Variants in BFAR observed in about 807,000 individuals in gnomAD.
BFAR encodes RING finger protein 47.
In BFAR, 52 loss-of-function variants were observed where a neutral mutation model predicts 54.4. The observed-to-expected ratio is 0.96, with a 90% CI of 0.77 to 1.21. BFAR has a LOEUF of 1.21. Ranked by LOEUF, BFAR falls within the 50% of genes most tolerant of loss-of-function variation. The probability of loss-of-function intolerance (pLI) is 0.00; values close to 1 mark genes in which losing one functional copy is unlikely to be tolerated. For missense variants in BFAR, 571 were observed against 534.0 expected, an observed-to-expected ratio of 1.07 and a Z score of -0.68; for synonymous variants, 215 against 204.3, an observed-to-expected ratio of 1.05 and a Z score of -0.45.
chr16:14,667,734 CTGTT>C lies in BFAR; in HGVS notation c.1266_1269del (p.Leu422PhefsTer35), dbSNP rs756434276. The stretch of plus-strand genomic sequence containing the variant: ...CCCTCATCCCTCAGTTTGTTTGCAA[CTGTT>C]TGTTTTACTGGGCCCTGTACTTTAA... On this transcript the variant is annotated frameshift_variant, in exon 8 of 8. Transcript: ENST00000261658. LOFTEE classifies it high-confidence loss of function. 8 of 1,614,044 alleles carry C rather than the reference CTGTT, an allele frequency of 5.0e-6. No individual in the cohort carries two copies. The East Asian group carries it at 1.8e-4, about 36-fold the overall frequency.
At position 14,649,900 on chromosome 16, in the gene BFAR, C is replaced by T. The variant is rs1369782551; in HGVS notation, c.565C>T (p.Leu189Phe). The change falls in exon 4 of 8, where the codon CTC (leucine) becomes TTC (phenylalanine). Residue 189 changes from leucine to phenylalanine, a missense_variant. Leu to Phe is a conservative substitution (Grantham distance 22). Transcript: ENST00000261658. ...VAKWTAEEVV[L>F]WLEQLGPWAS... ...CAAATGGACGGCGGAAGAAGTTGTC[C>T]TCTGGCTGGAGCAGCTGGGCCCTTG... 1 of 1,613,700 alleles carries T rather than the reference C, an allele frequency of 6.2e-7. No homozygotes were observed. The highest frequency in any genetic ancestry group is 8.5e-7 in the Non-Finnish European group (1 of 1,179,860).
chr16:14,646,085 C>T (rs1312067852), intron 2 of BFAR, among the ~76,000 whole-genome samples: 2 of 152,052 alleles, frequency 1.3e-5, no homozygotes, highest in Non-Finnish European at 2.9e-5. Context: ...GAGTTTCACT[C>T]TTGTTTCCTA....
chr16:14,661,576 T>A (rs1234453442), intron 5 of BFAR, among the ~76,000 whole-genome samples: 1 of 151,900 alleles, frequency 6.6e-6, no homozygotes, highest in Admixed American at 6.6e-5. Flanking sequence ...CTAATTTTTT[T>A]ATTTGTAGTA....
chr16:14,640,930 C>T (rs568698601), intron 1 of BFAR, among the ~76,000 whole-genome samples: 1 of 152,278 alleles, frequency 6.6e-6, no homozygotes, highest in South Asian at 2.1e-4. Flanking sequence ...AGTTGTAGAC[C>T]CAACTTTTTA....
intron 5 of BFAR, among the ~76,000 whole-genome samples, chr16:14,659,442 C>G (rs1960227750): frequency 6.6e-6 from 1 of 151,634 alleles, no homozygotes; most frequent in Admixed American, 6.6e-5. Flanking sequence ...CAGGGTTTCA[C>G]CATGTTGGTC....
chr16:14,646,043 G>T (rs951012040), intron 2 of BFAR, among the ~76,000 whole-genome samples: 1 of 151,554 alleles, frequency 6.6e-6, no homozygotes, highest in Non-Finnish European at 1.5e-5. Context: ...TAATTTTTGG[G>T]TTTTTTTGTT....
chr16:14,658,518 TA>T (rs1960191895), intron 5 of BFAR, among the ~76,000 whole-genome samples: 1 of 152,024 alleles, frequency 6.6e-6, no homozygotes, highest in Non-Finnish European at 1.5e-5. Context: ...TGCTTTTCAT[TA>T]AAAGGAAAAC....
chr16:14,648,514 T>C lies in BFAR; in HGVS notation c.390T>C (p.Ala130=), dbSNP rs775080880. 2 of 1,614,000 alleles carry C rather than the reference T, an allele frequency of 1.2e-6. No individual in the cohort carries two copies. The highest frequency in any genetic ancestry group is 1.7e-6 in the Non-Finnish European group (2 of 1,179,932). ...QKYGNDQIPL[A]PNTGRANQQM... ...ATGGGAATGATCAGATTCCTTTAGC[T>C]CCTAACACAGGCCGAGCGAATCAGC... Residue 130 remains alanine (A), a synonymous_variant, in exon 3 of 8, where the codon GCT becomes GCC. Transcript: ENST00000261658.
At chr16:14,664,194 A>T (rs1960371571) in intron 6 of BFAR, among the ~76,000 whole-genome samples, 1 of 152,240 alleles carries the variant, frequency 6.6e-6, no homozygotes, top group African/African-American at 2.4e-5. Flanking sequence ...CAGGGCTTGT[A>T]TACATAGGGA....
intron 1 of BFAR, among the ~76,000 whole-genome samples, chr16:14,635,284 G>A (rs1001593712): frequency 7.2e-5 from 11 of 152,206 alleles, no homozygotes; most frequent in African/African-American, 2.2e-4. Flanking sequence ...GCAGTGAGCC[G>A]AGATTGTGCC....
Position 14,649,919 on chromosome 16 carries a change from G to C in BFAR, c.584G>C (p.Gly195Ala). 1.2e-6 allele frequency: 2 copies of C among 1,613,622 alleles called. No homozygotes were observed. Among genetic ancestry groups the C allele is most frequent in the Non-Finnish European group, 1.7e-6 (2 of 1,179,744 alleles). The change falls in exon 4 of 8, where the codon GGC (glycine) becomes GCC (alanine). Residue 195 changes from glycine to alanine, a missense_variant. Gly to Ala is a moderately conservative substitution (Grantham distance 60). Coordinates refer to ENST00000261658, the MANE Select transcript of BFAR (RefSeq NM_016561.3). Reference protein sequence around the residue: ...EEVVLWLEQLGPWASLYRERF... With the variant: ...EEVVLWLEQLAPWASLYRERF... ...GTTGTCCTCTGGCTGGAGCAGCTGGGCCCTTGGGCATCTCTTTACAGGGAA... is the reference window on the plus strand; with the variant it reads ...GTTGTCCTCTGGCTGGAGCAGCTGGCCCCTTGGGCATCTCTTTACAGGGAA...
chr16:14,644,916 G>A (rs1659175768), intron 2 of BFAR, among the ~76,000 whole-genome samples: 1 of 152,082 alleles, frequency 6.6e-6, no homozygotes. Flanking sequence ...TCAAGGAACT[G>A]GAAATCCAGA....
At position 14,655,221 on chromosome 16, in the gene BFAR, T is replaced by A; in HGVS notation, c.783+11T>A. ...CTCTGGGAATATAAGGTGAACACTT[T>A]AATTTTTTTTTTTTTTTTTTACTTT... is the stretch of plus-strand genomic sequence containing the variant. On this transcript the variant is annotated intron_variant, in intron 5 of 7. Coordinates refer to ENST00000261658, the MANE Select transcript of BFAR (RefSeq NM_016561.3). The A allele has an allele frequency of 7.2e-7, 1 of 1,385,198 alleles. No individual in the cohort carries two copies. The highest frequency in any genetic ancestry group is 9.4e-7 in the Non-Finnish European group (1 of 1,061,414). 85.8% of individuals were successfully genotyped at this position (1,385,198 alleles called of 1,614,324 possible). A position where few individuals can be genotyped will look rare whatever the true frequency, so the allele number is the denominator to read the frequency against.
At chr16:14,648,174 C>T (rs1437066689) in intron 2 of BFAR, among the ~76,000 whole-genome samples, 2 of 151,948 alleles carry the variant, frequency 1.3e-5, no homozygotes, top group Non-Finnish European at 2.9e-5. Context: ...AGTAAGACTC[C>T]GTCTCAAAAA....
At chr16:14,666,630 A>G (rs1028173629) in intron 7 of BFAR, among the ~76,000 whole-genome samples, 1 of 152,262 alleles carries the variant, frequency 6.6e-6, no homozygotes, top group Non-Finnish European at 1.5e-5. Context: ...CAGAAGTAAC[A>G]CTGCCACCCT....
Position 14,655,186 on chromosome 16 carries a change from C to T in BFAR, c.759C>T (p.Pro253=). ...LERVKALGVK[P]PQNLWEYKAV... ...GTGTCAAAGCATTAGGCGTGAAGCC[C>T]CCCCAGAATCTCTGGGAATATAAGG... Residue 253 remains proline (P), a synonymous_variant, in exon 5 of 8, where the codon CCC becomes CCT. Transcript: ENST00000261658. 6.5e-7 allele frequency: 1 copy of T among 1,542,320 alleles called. No homozygotes were observed. The highest frequency in any genetic ancestry group is 8.7e-7 in the Non-Finnish European group (1 of 1,147,966).
chr16:14,649,794 T>A lies in BFAR; in HGVS notation c.469-10T>A. On this transcript the variant is annotated splice_polypyrimidine_tract_variant and intron_variant, in intron 3 of 7. Coordinates refer to ENST00000261658, the MANE Select transcript of BFAR (RefSeq NM_016561.3). ...CTCCATGGTTTAAAGTCCCTGTCAC[T>A]TTTCCCCAGGTGGTCCTGCTCGTCT... is the stretch of plus-strand genomic sequence containing the variant. 1 of 1,583,534 alleles carries A rather than the reference T, an allele frequency of 6.3e-7. No individual in the cohort carries two copies. Among genetic ancestry groups the A allele is most frequent in the African/African-American group, 1.3e-5 (1 of 74,154 alleles).
chr16:14,661,928 G>T lies in BFAR; in HGVS notation c.820G>T (p.Ala274Ser). 1 of 1,614,046 alleles carries T rather than the reference G, an allele frequency of 6.2e-7. No homozygotes were observed. Among genetic ancestry groups the T allele is most frequent in the Non-Finnish European group, 8.5e-7 (1 of 1,180,020 alleles). ...NPGRSLFLLY[A>S]LKSSPRLSLL... ...AGGCAGGTCCCTGTTCCTGCTATACGCCCTCAAGAGCTCCCCCAGGCTGAG... is the reference window on the plus strand; with the variant it reads ...AGGCAGGTCCCTGTTCCTGCTATACTCCCTCAAGAGCTCCCCCAGGCTGAG... The change falls in exon 6 of 8, where the codon GCC (alanine) becomes TCC (serine). Residue 274 changes from alanine (A) to serine (S), a missense_variant. Physicochemically the swap from Ala to Ser is moderately conservative, Grantham distance 99. Transcript: ENST00000261658.
intron 2 of BFAR, among the ~76,000 whole-genome samples, chr16:14,644,892 A>T (rs1410389291): frequency 6.6e-6 from 1 of 152,134 alleles, no homozygotes; most frequent in East Asian, 1.9e-4. Flanking sequence ...CTTCTGGAAT[A>T]TGAGTCAGGG....
Sources: gnomAD v4.1 joint callset for allele counts (sites outside exome capture counted in the v4.1 genomes callset) on GRCh38, gnomAD v4.1.1 for gene constraint, MANE v1.5 for transcripts, NCBI Gene and HGNC (gene_info 2026-07-23, HGNC 2026-07-21) for gene names.